The following MEIS1 variants were observed in gnomAD, a reference collection of about 807,000 sequenced individuals.
MEIS1 encodes Meis homeobox 1, also known as homeobox protein Meis1.
A neutral mutation model predicts 50.8 loss-of-function variants in MEIS1; 5 were observed. The ratio of observed to expected loss-of-function variants is 0.10; its 90% CI spans 0.05 to 0.21. MEIS1 has a LOEUF of 0.21. Ranked by LOEUF, MEIS1 falls within the 10% of genes least tolerant of loss-of-function variation. The pLI, the probability that MEIS1 is intolerant of heterozygous loss-of-function variation, is 1.00. For synonymous variants in MEIS1, 176 were observed against 179.3 expected (o/e 0.98, Z 0.15); for missense variants, 318 against 517.3 (o/e 0.61, Z 3.74).
chr2:66,552,764 A>G (rs551187743), intron 9 of MEIS1, among the ~76,000 whole-genome samples: 1 of 152,206 alleles, frequency 6.6e-6, no homozygotes, highest in African/African-American at 2.4e-5. Context: ...TTTCTGAGTT[A>G]TGGTAATAAT....
intron 7 of MEIS1, among the ~76,000 whole-genome samples, chr2:66,495,496 A>T (rs751946026): frequency 1.3e-4 from 20 of 152,196 alleles, no homozygotes; most frequent in Non-Finnish European, 2.5e-4. Flanking sequence ...GTTACTTCAG[A>T]GATGTTTCTG....
intron 9 of MEIS1, among the ~76,000 whole-genome samples, chr2:66,559,129 G>C (rs1234798138): frequency 2.0e-5 from 3 of 146,696 alleles, no homozygotes; most frequent in East Asian, 1.9e-4. Context: ...GTGACAGAGA[G>C]AGAGAGAGAG....
intron 9 of MEIS1, among the ~76,000 whole-genome samples, chr2:66,559,950 C>T (rs990881732): frequency 2.0e-5 from 3 of 152,058 alleles, no homozygotes; most frequent in African/African-American, 7.2e-5. Context: ...GTGTGCACAA[C>T]CAGACCCAGC....
intron 12 of MEIS1, chr2:66,570,709 T>G (rs147633161): frequency 6.5e-6 from 1 of 152,814 alleles, no homozygotes; most frequent in Non-Finnish European, 1.5e-5. Context: ...CCAATTTTTC[T>G]TATTGTTCTC....
At chr2:66,503,325 C>T (rs1673602011) in intron 7 of MEIS1, among the ~76,000 whole-genome samples, 1 of 152,160 alleles carries the variant, frequency 6.6e-6, no homozygotes, top group Admixed American at 6.5e-5. Context: ...TCCCAGGTTC[C>T]AGTTCCTCCA....
At chr2:66,442,830 G>A (rs1270777089) in intron 5 of MEIS1, 72 bp from the exon 6 acceptor site, 2 of 1,401,664 alleles carry the variant, frequency 1.4e-6, no homozygotes, top group Non-Finnish European at 1.9e-6. Flanking sequence ...CAAGGGGGGT[G>A]GATTGCACTT....
intron 7 of MEIS1, among the ~76,000 whole-genome samples, chr2:66,473,164 A>G (rs758977757): frequency 4.6e-5 from 7 of 151,676 alleles, no homozygotes; most frequent in African/African-American, 1.7e-4. Flanking sequence ...GGATCACCTG[A>G]GGTCAGGAGT....
At chr2:66,462,522 G>A (rs572337742) in intron 6 of MEIS1, among the ~76,000 whole-genome samples, 5 of 152,142 alleles carry the variant, frequency 3.3e-5, no homozygotes, top group South Asian at 2.1e-4. Flanking sequence ...TCGAGGCACC[G>A]GGGTTTTGTG....
At chr2:66,487,242 T>A (rs1276834007) in intron 7 of MEIS1, among the ~76,000 whole-genome samples, 1 of 152,230 alleles carries the variant, frequency 6.6e-6, no homozygotes, top group Non-Finnish European at 1.5e-5. Flanking sequence ...CGCAATTTTT[T>A]ATTATGAATG....
chr2:66,558,143 G>A (rs564381722), intron 9 of MEIS1, among the ~76,000 whole-genome samples: 2 of 151,940 alleles, frequency 1.3e-5, no homozygotes, highest in South Asian at 4.2e-4. Context: ...GCTGGGAGTG[G>A]GGGTGCATGC....
chr2:66,513,084 G>C (rs1334037599), intron 8 of MEIS1, among the ~76,000 whole-genome samples: 1 of 152,056 alleles, frequency 6.6e-6, no homozygotes, highest in Non-Finnish European at 1.5e-5. Context: ...GGATATTTTT[G>C]TAAGTGCATA....
chr2:66,461,904 A>G (rs1181862462), intron 6 of MEIS1: 3 of 470,622 alleles, frequency 6.4e-6, no homozygotes, highest in Non-Finnish European at 1.3e-5. Flanking sequence ...ACAGATCACA[A>G]ACACTGGGCT....
chr2:66,559,246 T>TG (rs1378764487), intron 9 of MEIS1, among the ~76,000 whole-genome samples: 1 of 152,118 alleles, frequency 6.6e-6, no homozygotes, highest in Non-Finnish European at 1.5e-5. Context: ...TTAAATTATT[T>TG]GGGGGAAACT....
chr2:66,463,264 C>G (rs983658308), intron 6 of MEIS1, among the ~76,000 whole-genome samples: 5 of 151,382 alleles, frequency 3.3e-5, no homozygotes, highest in Non-Finnish European at 7.4e-5. Context: ...AGTGAAGGAC[C>G]AGCTTTGTAT....
intron 7 of MEIS1, among the ~76,000 whole-genome samples, chr2:66,471,870 A>C: frequency 6.6e-6 from 1 of 152,206 alleles, no homozygotes; most frequent in East Asian, 1.9e-4. Context: ...TCAAAACTGT[A>C]AATATTTTCC....
intron 8 of MEIS1, among the ~76,000 whole-genome samples, chr2:66,517,928 C>T (rs967481419): frequency 2.6e-5 from 4 of 152,132 alleles, no homozygotes; most frequent in African/African-American, 4.8e-5. Context: ...GAATTCTTCA[C>T]CCAGAAGAAT....
intron 6 of MEIS1, among the ~76,000 whole-genome samples, chr2:66,459,165 G>A (rs1672463525): frequency 1.3e-5 from 2 of 152,140 alleles, no homozygotes; most frequent in Non-Finnish European, 2.9e-5. Context: ...TGGTATCTGG[G>A]CTGTGCCTTA....
intron 8 of MEIS1, among the ~76,000 whole-genome samples, chr2:66,530,009 G>C (rs1291465095): frequency 2.0e-5 from 3 of 152,118 alleles, no homozygotes; most frequent in Non-Finnish European, 4.4e-5. Flanking sequence ...GGGACTCAGA[G>C]TAAGAACATA....
At position 66,487,625 on chromosome 2, in the gene MEIS1, C is replaced by CT. The variant is rs150188969; in HGVS notation, c.742+23406dup. On this transcript the variant is annotated intron_variant, in intron 7 of 12. Transcript: ENST00000272369. ...AGTAATTGGTTATGTGTATTTCATT[C>CT]TGGGAACTCCTGAGTGTCCTTCTAA... is the stretch of plus-strand genomic sequence containing the variant. 3.9e-3 allele frequency among the ~76,000 whole-genome samples: 596 copies of CT among 152,314 alleles called. 5 individuals carry two copies. The highest frequency in any genetic ancestry group is 0.013 in the African/African-American group (553 of 41,574).
Sources: allele counts gnomAD v4.1 joint callset (sites outside exome capture counted in the v4.1 genomes callset), GRCh38; gene constraint gnomAD v4.1.1; transcripts MANE v1.5; gene names NCBI Gene and HGNC (gene_info 2026-07-23, HGNC 2026-07-21).